Variants in PPM1L observed in about 807,000 individuals in gnomAD.
PPM1L encodes the protein protein phosphatase 1L.
In PPM1L, 13 loss-of-function variants were observed where a neutral mutation model predicts 31.4. The observed-to-expected ratio is 0.41, with a 90% CI of 0.27 to 0.66. The LOEUF (loss-of-function observed/expected upper bound fraction) is 0.66. Among genes scored for constraint, PPM1L ranks in the 30% least tolerant of loss-of-function variants. The pLI is 0.29. For synonymous variants in PPM1L, 184 were observed against 175.4 expected (o/e 1.05, Z -0.39); for missense variants, 326 against 453.7 (o/e 0.72, Z 2.56).
intron 1 of PPM1L, among the ~76,000 whole-genome samples, chr3:160,834,764 G>T (rs909549600): frequency 4.6e-5 from 7 of 152,076 alleles, no homozygotes; most frequent in African/African-American, 1.7e-4. Context: ...TCAATAGCTT[G>T]TTCCTTTTCA....
At chr3:160,886,426 A>C (rs1175404418) in intron 1 of PPM1L, among the ~76,000 whole-genome samples, 1 of 152,146 alleles carries the variant, frequency 6.6e-6, no homozygotes, top group Non-Finnish European at 1.5e-5. Context: ...GGGTTTTCAG[A>C]CACTCTATAC....
intron 2 of PPM1L, among the ~76,000 whole-genome samples, chr3:161,034,579 A>G (rs1413903864): frequency 6.6e-6 from 1 of 151,894 alleles, no homozygotes; most frequent in African/African-American, 2.4e-5. Context: ...AATCTCAGCA[A>G]AGTAACACAG....
At chr3:160,789,087 A>T (rs1316104382) in intron 1 of PPM1L, among the ~76,000 whole-genome samples, 1 of 151,974 alleles carries the variant, frequency 6.6e-6, no homozygotes, top group Non-Finnish European at 1.5e-5. Context: ...AGATAAACTG[A>T]TAATTTTACA....
intron 1 of PPM1L, among the ~76,000 whole-genome samples, chr3:160,811,217 T>C (rs1712793553): frequency 6.6e-6 from 1 of 152,254 alleles, no homozygotes; most frequent in Non-Finnish European, 1.5e-5. Flanking sequence ...AAGAATGGAA[T>C]GTATATGAAG....
chr3:160,782,431 G>A (rs777259076), intron 1 of PPM1L, among the ~76,000 whole-genome samples: 1 of 152,198 alleles, frequency 6.6e-6, no homozygotes, highest in Non-Finnish European at 1.5e-5. Context: ...ACAGACAACT[G>A]AGCACTGTGC....
At chr3:161,006,680 C>CTTTTTT (rs1180679318) in intron 2 of PPM1L, among the ~76,000 whole-genome samples, 5 of 118,896 alleles carry the variant, frequency 4.2e-5, no homozygotes, top group African/African-American at 1.0e-4. Flanking sequence ...ACCGTCTTTC[C>CTTTTTT]TTTTTTTTTT....
chr3:160,884,776 A>G (rs972703436), intron 1 of PPM1L, among the ~76,000 whole-genome samples: 7 of 152,200 alleles, frequency 4.6e-5, no homozygotes, highest in Non-Finnish European at 1.0e-4. Flanking sequence ...AGCTTAGTAG[A>G]TGAATAAGAT....
intron 1 of PPM1L, among the ~76,000 whole-genome samples, chr3:160,865,251 C>G (rs1443697811): frequency 6.6e-6 from 1 of 152,000 alleles, no homozygotes; most frequent in Non-Finnish European, 1.5e-5. Flanking sequence ...TTTATGAAAT[C>G]ATGAAATATG....
At chr3:161,017,047 A>G (rs1718107166) in intron 2 of PPM1L, among the ~76,000 whole-genome samples, 2 of 152,082 alleles carry the variant, frequency 1.3e-5, no homozygotes, top group African/African-American at 4.8e-5. Flanking sequence ...TTCAACTGAT[A>G]TTTCTAGCTA....
chr3:160,982,089 C>T (rs1318227155), intron 2 of PPM1L, among the ~76,000 whole-genome samples: 2 of 152,126 alleles, frequency 1.3e-5, no homozygotes, highest in South Asian at 4.1e-4. Flanking sequence ...TAATCACTAC[C>T]TGCATCTCAT....
chr3:160,812,823 G>A (rs1330411284), intron 1 of PPM1L, among the ~76,000 whole-genome samples: 3 of 152,028 alleles, frequency 2.0e-5, no homozygotes, highest in Non-Finnish European at 4.4e-5. Flanking sequence ...GCTAAATTAG[G>A]GTTCTACACC....
intron 1 of PPM1L, among the ~76,000 whole-genome samples, chr3:160,832,925 C>G (rs1370106452): frequency 1.3e-5 from 2 of 152,106 alleles, no homozygotes; most frequent in African/African-American, 2.4e-5. Context: ...TCCCTCGACC[C>G]CACCCCATGA....
chr3:160,774,435 G>GATGTAA (rs1305658913), intron 1 of PPM1L, among the ~76,000 whole-genome samples: 2 of 152,120 alleles, frequency 1.3e-5, no homozygotes, highest in African/African-American at 4.8e-5. Context: ...TCCGCTCAGT[G>GATGTAA]ATGTCTCTGA....
At chr3:160,771,084 A>G (rs1715242619) in intron 1 of PPM1L, among the ~76,000 whole-genome samples, 1 of 152,196 alleles carries the variant, frequency 6.6e-6, no homozygotes, top group Non-Finnish European at 1.5e-5. Flanking sequence ...AATTTATTCC[A>G]AAGAATAAAG....
chr3:161,026,697 C>CAA (rs5853919), intron 2 of PPM1L, among the ~76,000 whole-genome samples: 1 of 131,798 alleles, frequency 7.6e-6, no homozygotes, highest in Non-Finnish European at 1.7e-5. Flanking sequence ...GACTCTGTCT[C>CAA]AAAAAAAAAA....
intron 1 of PPM1L, among the ~76,000 whole-genome samples, chr3:160,891,672 A>G (rs1713149252): frequency 6.6e-6 from 1 of 152,212 alleles, no homozygotes; most frequent in Non-Finnish European, 1.5e-5. Flanking sequence ...AATATTAATC[A>G]TTCTACTATA....
chr3:160,883,454 T>G (rs1002147080), intron 1 of PPM1L, among the ~76,000 whole-genome samples: 1 of 152,128 alleles, frequency 6.6e-6, no homozygotes, highest in African/African-American at 2.4e-5. Context: ...GGCTACATTT[T>G]CCCGTAAAGT....
intron 1 of PPM1L, among the ~76,000 whole-genome samples, chr3:160,909,159 G>T (rs115196875): frequency 2.6e-5 from 4 of 152,268 alleles, no homozygotes; most frequent in African/African-American, 9.6e-5. Context: ...TAATGGTAAG[G>T]TAAGGGATCA....
In PPM1L at chr3:161,069,462, C is replaced by T; in HGVS notation, c.*305C>T. The T allele has an allele frequency of 6.2e-6, 2 of 321,614 alleles. No individual in the cohort carries two copies. The highest frequency in any genetic ancestry group is 7.0e-5 in the East Asian group (1 of 14,200). The allele number at this position is 321,614 out of a possible 1,614,324, so 19.9% of individuals were successfully genotyped here. ...GAATAGCATATGTGTCATTTAGTCT[C>T]CCTGAAGATTCTTTTCAAGATCCTG... On this transcript the variant is annotated 3_prime_UTR_variant, in exon 4 of 4. Coordinates refer to ENST00000498165, the MANE Select transcript of PPM1L (RefSeq NM_139245.4).
Sources: allele counts gnomAD v4.1 joint callset (sites outside exome capture counted in the v4.1 genomes callset), GRCh38; gene constraint gnomAD v4.1.1; transcripts MANE v1.5; gene names NCBI Gene and HGNC (gene_info 2026-07-23, HGNC 2026-07-21).